ACSM1: variants seen among roughly 807,000 people sequenced by gnomAD.
ACSM1 encodes acyl-CoA synthetase medium chain family member 1, also known as acyl-coenzyme A synthetase ACSM1, mitochondrial.
ACSM1 carries 79 observed loss-of-function variants against 75.8 expected under a neutral mutation model. The ratio of observed to expected loss-of-function variants is 1.04; its 90% CI spans 0.87 to 1.26. The LOEUF is 1.26. ACSM1 is among the 50% of genes most tolerant of loss of function. ACSM1 has a pLI of 0.00. For missense variants in ACSM1, 676 were observed against 720.1 expected, an observed-to-expected ratio of 0.94 and a Z score of 0.70; for synonymous variants, 279 against 265.8, an observed-to-expected ratio of 1.05 and a Z score of -0.48.
intron 5 of ACSM1, 81 bp downstream of exon 5, chr16:20,671,450 C>CAT (rs2019890036): frequency 8.1e-7 from 1 of 1,239,292 alleles, no homozygotes; most frequent in East Asian, 2.5e-5. Flanking sequence ...GACACACACA[C>CAT]ACACACACAC....
intron 4 of ACSM1, among the ~76,000 whole-genome samples, chr16:20,673,727 G>A (rs879724187): frequency 1.3e-5 from 2 of 151,810 alleles, no homozygotes; most frequent in Non-Finnish European, 2.9e-5. Context: ...TTTTTCTTGG[G>A]GTCTTAAGTT....
chr16:20,623,291 A>G lies in ACSM1; in HGVS notation c.*195T>C, dbSNP rs990598075. On this transcript the variant is annotated 3_prime_UTR_variant, in exon 14 of 14. Transcript: ENST00000520010. ...ATGAGTGCTCACCTGGGAAATTCTA[A>G]AGATACAGAGGACTTGGAGGAAGCA... 3.5e-6 allele frequency: 2 copies of G among 563,598 alleles called. No homozygotes were observed. The highest frequency in any genetic ancestry group is 6.4e-6 in the Non-Finnish European group (2 of 314,582). 34.9% of individuals were successfully genotyped at this position (563,598 alleles called of 1,614,324 possible).
At chr16:20,658,958 G>C (rs563694729) in intron 7 of ACSM1, among the ~76,000 whole-genome samples, 1 of 152,212 alleles carries the variant, frequency 6.6e-6, no homozygotes, top group African/African-American at 2.4e-5. Context: ...TGTTTATTCT[G>C]GCTGAAATAT....
intron 4 of ACSM1, 117 bp downstream of exon 4, chr16:20,682,139 G>A (rs2079458153): frequency 2.1e-6 from 2 of 947,310 alleles, no homozygotes; most frequent in Admixed American, 4.8e-5. Context: ...TAATCTGACT[G>A]GGCTGGTGCA....
chr16:20,671,379 C>T, intron 5 of ACSM1, 152 bp downstream of exon 5: 2 of 800,782 alleles, frequency 2.5e-6, no homozygotes, highest in South Asian at 6.4e-5. Context: ...GAGGTCTGAA[C>T]AAAAGAGAGT....
intron 4 of ACSM1, among the ~76,000 whole-genome samples, chr16:20,677,236 A>T (rs1356593433): frequency 1.3e-5 from 2 of 151,724 alleles, no homozygotes; most frequent in East Asian, 3.9e-4. Context: ...TAAAAAAAAA[A>T]AAAAAGCCTT....
intron 12 of ACSM1, 89 bp from the exon 13 acceptor site, chr16:20,624,304 GGT>G: frequency 6.9e-7 from 1 of 1,444,500 alleles, no homozygotes; most frequent in Non-Finnish European, 9.3e-7. Flanking sequence ...GGTAAAACAA[GGT>G]GACACTGAAC....
intron 4 of ACSM1, chr16:20,676,171 G>A (rs562312523): frequency 1.3e-5 from 2 of 152,428 alleles, no homozygotes; most frequent in South Asian, 4.1e-4. Flanking sequence ...TGAAAGGCTG[G>A]AAAAGTCAGG....
rs55913255 is a variant in ACSM1, at chr16:20,671,440, G to GACACACACACAC, written c.752+79_752+90dup. 99 of 970,824 alleles carry GACACACACACAC rather than the reference G, an allele frequency of 1.0e-4. No individual in the cohort carries two copies. In the African/African-American group the frequency reaches 1.6e-3, roughly 15 times the overall value. The allele number at this position is 970,824 out of a possible 1,614,324, so 60.1% of individuals were successfully genotyped here. A position where few individuals can be genotyped will look rare whatever the true frequency, so the allele number is the denominator to read the frequency against. ...CTTCTACTTCCAGTTCCTTTCCCAA[G>GACACACACACAC]ACACACACACACACACACACACACA... On this transcript the variant is annotated intron_variant, in intron 5 of 13. Coordinates refer to ENST00000520010, the MANE Select transcript of ACSM1 (RefSeq NM_001318890.3).
intron 7 of ACSM1, among the ~76,000 whole-genome samples, chr16:20,640,899 T>C (rs554672101): frequency 6.6e-6 from 1 of 152,296 alleles, no homozygotes; most frequent in East Asian, 1.9e-4. Context: ...TGGGGAAGCA[T>C]TCTGTATAGC....
At position 20,623,580 on chromosome 16, in the gene ACSM1, A is replaced by C. The variant is rs756132825; in HGVS notation, c.1648-8T>G. The C allele has an allele frequency of 6.2e-7, 1 of 1,612,994 alleles. No individual in the cohort carries two copies. Among genetic ancestry groups the C allele is most frequent in the Non-Finnish European group, 8.5e-7 (1 of 1,179,114 alleles). Reference sequence around the variant, plus strand: ...CTCTGAGACAAACTCCACCTGGTTGAGGATAAAGCAAATCCACAGTGATTG... The same window carrying C: ...CTCTGAGACAAACTCCACCTGGTTGCGGATAAAGCAAATCCACAGTGATTG... On this transcript the variant is annotated splice_region_variant and splice_polypyrimidine_tract_variant and intron_variant, in intron 13 of 13. Transcript: ENST00000520010.
chr16:20,654,971 C>A (rs1402231188), intron 7 of ACSM1, among the ~76,000 whole-genome samples: 1 of 152,026 alleles, frequency 6.6e-6, no homozygotes, highest in Non-Finnish European at 1.5e-5. Context: ...TGGCACTATT[C>A]ACAATAGCAA....
intron 7 of ACSM1, among the ~76,000 whole-genome samples, chr16:20,650,340 C>T (rs1364431760): frequency 6.6e-6 from 1 of 152,128 alleles, no homozygotes; most frequent in East Asian, 1.9e-4. Flanking sequence ...AGGTCATTTG[C>T]TTCTCCTAGT....
At chr16:20,695,777 A>C (rs894636139) in intron 1 of ACSM1, among the ~76,000 whole-genome samples, 2 of 152,114 alleles carry the variant, frequency 1.3e-5, no homozygotes, top group African/African-American at 2.4e-5. Context: ...GTCTGCGTCT[A>C]TCTCTATCTC....
chr16:20,628,623 T>C (rs763193862), intron 10 of ACSM1, among the ~76,000 whole-genome samples: 3 of 152,194 alleles, frequency 2.0e-5, no homozygotes, highest in Non-Finnish European at 2.9e-5. Flanking sequence ...ATCCTTTTTG[T>C]TGCTGAACAG....
At chr16:20,668,257 G>A (rs1000343847) in intron 6 of ACSM1, among the ~76,000 whole-genome samples, 1 of 152,128 alleles carries the variant, frequency 6.6e-6, no homozygotes, top group African/African-American at 2.4e-5. Flanking sequence ...AATAGTAAGT[G>A]GGAAATAGTA....
At chr16:20,644,670 G>C (rs556859595) in intron 7 of ACSM1, among the ~76,000 whole-genome samples, 7 of 152,244 alleles carry the variant, frequency 4.6e-5, no homozygotes, top group African/African-American at 1.7e-4. Context: ...CATGTGAGCT[G>C]TTTGTACTCA....
At chr16:20,636,002 T>C (rs1186661699) in intron 10 of ACSM1, among the ~76,000 whole-genome samples, 1 of 152,186 alleles carries the variant, frequency 6.6e-6, no homozygotes, top group Non-Finnish European at 1.5e-5. Flanking sequence ...AAGGCCTGTA[T>C]GTTCCCCTTT....
At chr16:20,685,826 AAAAAACAAAC>A (rs1487369392) in intron 2 of ACSM1, among the ~76,000 whole-genome samples, 1 of 127,806 alleles carries the variant, frequency 7.8e-6, no homozygotes, top group Admixed American at 7.6e-5. Flanking sequence ...TCTCAAAAAA[AAAAAACAAAC>A]AAAAAAAAAA....
Sources: gnomAD v4.1 joint callset for allele counts (sites outside exome capture counted in the v4.1 genomes callset) on GRCh38, gnomAD v4.1.1 for gene constraint, MANE v1.5 for transcripts, NCBI Gene and HGNC (gene_info 2026-07-23, HGNC 2026-07-21) for gene names.